The following PIGB variants were observed in gnomAD, a reference collection of about 807,000 sequenced individuals.
PIGB encodes GPI alpha-1,2-mannosyltransferase 3.
A neutral mutation model predicts 68.4 loss-of-function variants in PIGB; 58 were observed. The observed-to-expected ratio is 0.85, with a 90% CI of 0.69 to 1.06. The LOEUF (loss-of-function observed/expected upper bound fraction) is 1.06, where lower values mean the gene tolerates loss of function less well. PIGB is among the 50% of genes least tolerant of loss of function. PIGB has a pLI of 0.00. For missense variants in PIGB, 634 were observed against 655.8 expected, an observed-to-expected ratio of 0.97 and a Z score of 0.36; for synonymous variants, 219 against 220.5, an observed-to-expected ratio of 0.99 and a Z score of 0.06.
chr15:55,322,753 G>C (rs1029041260), intron 3 of PIGB, among the ~76,000 whole-genome samples: 3 of 152,174 alleles, frequency 2.0e-5, no homozygotes, highest in Admixed American at 1.3e-4. Context: ...TGGGGAAGGA[G>C]AATTCAGAGC....
In PIGB at chr15:55,332,625, G is replaced by C. The variant is rs183422257; in HGVS notation, c.654-1242G>C. Among the ~76,000 whole-genome samples the C allele has an allele frequency of 5.2e-3, 792 of 152,002 alleles. 3 individuals are homozygous for C. The highest frequency in any genetic ancestry group is 9.1e-3 in the Non-Finnish European group (621 of 67,966). ...TGACTTCAGGTGATCCACCCACCTCGGCCTCCCAAAGTGCTGGGATTGCAG... is the reference window on the plus strand; with the variant it reads ...TGACTTCAGGTGATCCACCCACCTCCGCCTCCCAAAGTGCTGGGATTGCAG... On this transcript the variant is annotated intron_variant, in intron 5 of 11. Coordinates refer to ENST00000164305, the MANE Select transcript of PIGB (RefSeq NM_004855.5).
chr15:55,350,490 T>TTA (rs1201455416), intron 9 of PIGB: 1 of 562,004 alleles, frequency 1.8e-6, no homozygotes, highest in Non-Finnish European at 3.1e-6. Flanking sequence ...CTTTCCACTA[T>TTA]ACCTCAATAC....
At chr15:55,341,898 A>C (rs571165529) in intron 9 of PIGB, 96 bp downstream of exon 9, 8 of 456,062 alleles carry the variant, frequency 1.8e-5, no homozygotes, top group African/African-American at 1.6e-4. Flanking sequence ...AACTAGGTTA[A>C]TAAGGAATTA....
Position 55,327,561 on chromosome 15 carries a change from C to A in PIGB, c.448C>A (p.Leu150Met), listed in dbSNP as rs1206266580. ...IWIPRLAQAL[L>M]SAVADVRLYS... ...GATTCCTAGACTTGCCCAAGCACTT[C>A]TGTCTGCTGTAGCAGATGTGAGACT... Residue 150 changes from leucine (L) to methionine (M), a missense_variant, in exon 4 of 12, where the codon CTG becomes ATG. Physicochemically the swap from Leu to Met is conservative, Grantham distance 15. Coordinates refer to ENST00000164305, the MANE Select transcript of PIGB (RefSeq NM_004855.5). 8.1e-6 allele frequency: 13 copies of A among 1,611,526 alleles called. No individual in the cohort carries two copies. The highest frequency in any genetic ancestry group is 2.2e-5 in the East Asian group (1 of 44,778).
At chr15:55,327,782 T>C (rs1368873513) in intron 4 of PIGB, 147 bp downstream of exon 4, 3 of 636,442 alleles carry the variant, frequency 4.7e-6, no homozygotes, top group Non-Finnish European at 8.3e-6. Context: ...AACAGTAATA[T>C]GCAAGTGGCA....
At chr15:55,354,519 T>C (rs1377535686) in intron 10 of PIGB, 7 of 313,176 alleles carry the variant, frequency 2.2e-5, no homozygotes, top group Non-Finnish European at 4.0e-5. Flanking sequence ...TACAGAATGT[T>C]GAGTCCCCCT....
rs970671516 is a variant in PIGB at position 55,323,981 on chromosome 15, G to A, written c.417+2591G>A. On this transcript the variant is annotated intron_variant, in intron 3 of 11. Transcript: ENST00000164305. ...TGGCTGGCTGTAACTGCCGCCTCCC[G>A]GGTTCAAGTGATTCTCCTGCCTCAG... Among the ~76,000 whole-genome samples, 45 of 152,152 alleles carry A rather than the reference G, an allele frequency of 3.0e-4. 1 individual carries two copies. Among genetic ancestry groups the A allele is most frequent in the Admixed American group, 2.6e-4 (4 of 15,274 alleles).
chr15:55,340,595 TC>T lies in PIGB; in HGVS notation c.847-15del. The T allele has an allele frequency of 4.5e-6, 7 of 1,565,042 alleles. No individual in the cohort carries two copies. Among genetic ancestry groups the T allele is most frequent in the Non-Finnish European group, 5.2e-6 (6 of 1,144,444 alleles). The stretch of plus-strand genomic sequence containing the variant: ...GCACTAACACATTTCTATTTATTTT[TC>T]CTTCAACGGTGCCAGTGGACTCTGG... On this transcript the variant is annotated splice_polypyrimidine_tract_variant and intron_variant, in intron 7 of 11. Coordinates refer to ENST00000164305, the MANE Select transcript of PIGB (RefSeq NM_004855.5).
At chr15:55,344,315 GCTCTTCTGAGTTTTCT>G (rs2055741376) in intron 9 of PIGB, among the ~76,000 whole-genome samples, 1 of 152,232 alleles carries the variant, frequency 6.6e-6, no homozygotes, top group Non-Finnish European at 1.5e-5. Context: ...AGTCTTCTCA[GCTCTTCTGAGTTTTCT>G]CTTCCTCCAA....
intron 5 of PIGB, among the ~76,000 whole-genome samples, chr15:55,331,514 G>T (rs1242569583): frequency 6.6e-6 from 1 of 152,106 alleles, no homozygotes; most frequent in Non-Finnish European, 1.5e-5. Context: ...GGGAGTTCGA[G>T]ACCAGCCTGG....
At chr15:55,330,905 AG>A (rs1300300524) in intron 5 of PIGB, among the ~76,000 whole-genome samples, 2 of 152,220 alleles carry the variant, frequency 1.3e-5, no homozygotes, top group Non-Finnish European at 2.9e-5. Flanking sequence ...GTATATGATG[AG>A]GACTTTATTT....
chr15:55,355,072 G>A, intron 11 of PIGB, 94 bp downstream of exon 11: 1 of 1,100,758 alleles, frequency 9.1e-7, no homozygotes, highest in Non-Finnish European at 1.3e-6. Flanking sequence ...ACCTTTTTAT[G>A]GTCTGTTTCA....
intron 9 of PIGB, among the ~76,000 whole-genome samples, chr15:55,347,243 TG>T (rs1205121908): frequency 6.6e-6 from 1 of 152,168 alleles, no homozygotes; most frequent in African/African-American, 2.4e-5. Flanking sequence ...CTGGCCAACA[TG>T]GTGAAACCCC....
chr15:55,351,845 C>A (rs2055928962), intron 10 of PIGB: 1 of 121,538 alleles, frequency 8.2e-6, no homozygotes, highest in South Asian at 3.1e-4. Context: ...TGCACTCCAG[C>A]CTGGGCAACA....
chr15:55,340,906 G>T, intron 8 of PIGB, 83 bp downstream of exon 8: 1 of 898,374 alleles, frequency 1.1e-6, no homozygotes, highest in Non-Finnish European at 1.7e-6. Flanking sequence ...TAAACTTTAT[G>T]TTTTGGAGGT....
chr15:55,332,488 A>G (rs1327139549), intron 5 of PIGB, among the ~76,000 whole-genome samples: 7 of 151,264 alleles, frequency 4.6e-5, no homozygotes, highest in Non-Finnish European at 1.0e-4. Context: ...CTCCTGCCTC[A>G]GCCTCCCAAG....
chr15:55,333,635 G>A (rs2055470483), intron 5 of PIGB, among the ~76,000 whole-genome samples: 1 of 152,194 alleles, frequency 6.6e-6, no homozygotes, highest in African/African-American at 2.4e-5. Context: ...GGGATGCTGA[G>A]GCAGGAGAAT....
intron 10 of PIGB, 77 bp downstream of exon 10, chr15:55,350,989 A>T: frequency 1.4e-6 from 1 of 704,048 alleles, no homozygotes; most frequent in Non-Finnish European, 2.4e-6. Context: ...AGATTCCTGG[A>T]TTTGAATTAA....
intron 9 of PIGB, among the ~76,000 whole-genome samples, chr15:55,348,649 C>A (rs2055857617): frequency 6.6e-6 from 1 of 152,162 alleles, no homozygotes; most frequent in Non-Finnish European, 1.5e-5. Flanking sequence ...GATCTCTGCA[C>A]AAACTGACTC....
Sources: gnomAD v4.1 joint callset for allele counts (sites outside exome capture counted in the v4.1 genomes callset) on GRCh38, gnomAD v4.1.1 for gene constraint, MANE v1.5 for transcripts, NCBI Gene and HGNC (gene_info 2026-07-23, HGNC 2026-07-21) for gene names.